Variants in RALGAPA2 observed in about 807,000 individuals in gnomAD.
RALGAPA2 encodes the protein ral GTPase-activating protein subunit alpha-2.
In RALGAPA2, 139 loss-of-function variants were observed where a neutral mutation model predicts 230.4. The ratio of observed to expected loss-of-function variants is 0.60; its 90% CI spans 0.53 to 0.69. The LOEUF (loss-of-function observed/expected upper bound fraction) is 0.69, where lower values mean the gene tolerates loss of function less well. Among genes scored for constraint, RALGAPA2 ranks in the 30% least tolerant of loss-of-function variants. The probability of loss-of-function intolerance (pLI) is 0.00; values close to 1 mark genes in which losing one functional copy is unlikely to be tolerated. For missense variants in RALGAPA2, 2,163 were observed against 2,276.0 expected (o/e 0.95, Z 1.01); for synonymous variants, 847 against 837.8 (o/e 1.01, Z -0.19).
intron 23 of RALGAPA2, among the ~76,000 whole-genome samples, chr20:20,563,942 G>T (rs956340243): frequency 6.6e-6 from 1 of 152,002 alleles, no homozygotes; most frequent in Non-Finnish European, 1.5e-5. Flanking sequence ...CTGTGCCTCA[G>T]TCCTTGTTAG....
rs180961483 is a variant in RALGAPA2 at position 20,473,230 on chromosome 20, G to A, written c.5368-274C>T. 1.7e-3 allele frequency among the ~76,000 whole-genome samples: 263 copies of A among 152,286 alleles called. 1 individual carries two copies. The highest frequency in any genetic ancestry group is 2.7e-3 in the Non-Finnish European group (184 of 68,014). ...TTTTTCTCTTCTGTTGTCATTTACA[G>A]AAATGGTGTTGCTCTTAAGTGCCTA... is the stretch of plus-strand genomic sequence containing the variant. On this transcript the variant is annotated intron_variant, in intron 36 of 39. Transcript: ENST00000202677.
chr20:20,499,734 G>A (rs2062317399), intron 35 of RALGAPA2, among the ~76,000 whole-genome samples: 1 of 152,190 alleles, frequency 6.6e-6, no homozygotes, highest in Non-Finnish European at 1.5e-5. Flanking sequence ...AGGCTGCTGA[G>A]TTTTTGAACG....
intron 33 of RALGAPA2, 147 bp from the exon 34 acceptor site, chr20:20,505,681 G>C: frequency 4.7e-6 from 3 of 642,348 alleles, no homozygotes; most frequent in Non-Finnish European, 7.6e-6. Flanking sequence ...GAGATGGTCT[G>C]ACACATAGTC....
chr20:20,496,466 C>T (rs1055359330), intron 35 of RALGAPA2, among the ~76,000 whole-genome samples: 6 of 152,156 alleles, frequency 3.9e-5, no homozygotes, highest in African/African-American at 1.4e-4. Context: ...GCTGGTAAGG[C>T]CCTCTGACAT....
intron 14 of RALGAPA2, among the ~76,000 whole-genome samples, chr20:20,610,446 G>A (rs1248195867): frequency 6.6e-6 from 1 of 152,140 alleles, no homozygotes; most frequent in Non-Finnish European, 1.5e-5. Flanking sequence ...GATGCAAGAA[G>A]CACAGGCATC....
At position 20,591,318 on chromosome 20, in the gene RALGAPA2, T is replaced by C. The variant is rs2065284415; in HGVS notation, c.2204-4A>G. ...GACTGTTGACACTCCTCCACTTCTG[T>C]GAGCATTAACAAAACATGCAAAGTT... On this transcript the variant is annotated splice_region_variant and splice_polypyrimidine_tract_variant and intron_variant, in intron 16 of 39. Transcript: ENST00000202677. The C allele has an allele frequency of 1.2e-6, 2 of 1,611,628 alleles. No individual in the cohort carries two copies. The highest frequency in any genetic ancestry group is 2.2e-5 in the East Asian group (1 of 44,786).
intron 31 of RALGAPA2, 58 bp from the exon 32 acceptor site, chr20:20,513,342 A>G: frequency 8.1e-7 from 1 of 1,229,438 alleles, no homozygotes; most frequent in Non-Finnish European, 1.0e-6. Context: ...TTAAAACTCA[A>G]CACCTTTTTT....
At chr20:20,458,324 A>G (rs1257282420) in intron 37 of RALGAPA2, among the ~76,000 whole-genome samples, 3 of 150,892 alleles carry the variant, frequency 2.0e-5, no homozygotes, top group Non-Finnish European at 1.5e-5. Context: ...ACAGAATTTT[A>G]TTTGTTTCTA....
chr20:20,677,245 A>C (rs540576353), intron 2 of RALGAPA2, among the ~76,000 whole-genome samples: 1 of 152,328 alleles, frequency 6.6e-6, no homozygotes, highest in South Asian at 2.1e-4. Context: ...GCCAAAAAAG[A>C]TGGTATGCAA....
chr20:20,463,127 G>A (rs1362521169), intron 37 of RALGAPA2, among the ~76,000 whole-genome samples: 2 of 149,898 alleles, frequency 1.3e-5, no homozygotes, highest in African/African-American at 2.4e-5. Flanking sequence ...TTAAAACCCT[G>A]ACTTTTTTTT....
chr20:20,599,519 A>C (rs993792800), intron 16 of RALGAPA2, among the ~76,000 whole-genome samples: 2 of 152,240 alleles, frequency 1.3e-5, no homozygotes, highest in African/African-American at 4.8e-5. Flanking sequence ...CACAATCTGT[A>C]AAATCAGTTT....
intron 24 of RALGAPA2, among the ~76,000 whole-genome samples, chr20:20,541,791 A>G (rs1198431299): frequency 6.6e-6 from 1 of 152,242 alleles, no homozygotes; most frequent in Non-Finnish European, 1.5e-5. Flanking sequence ...GGCTACTTTA[A>G]TAGCCCACCT....
At chr20:20,543,110 T>C (rs998097736) in intron 24 of RALGAPA2, among the ~76,000 whole-genome samples, 1 of 152,094 alleles carries the variant, frequency 6.6e-6, no homozygotes, top group African/African-American at 2.4e-5. Context: ...AGTGGTGCGA[T>C]CTTGACTTGC....
In RALGAPA2 at chr20:20,583,135, T is replaced by G. The variant is rs376400587; in HGVS notation, c.2622A>C (p.Glu874Asp). ...CCACAACATCTGTGGGAGTATTCAG[T>G]TCTGGGTCTTCCTCACAGGTCTGCC... ...GPWQTCEEDP[E>D]LNTPTDVVAD... Residue 874 changes from glutamate (E) to aspartate (D), a missense_variant, in exon 20 of 40, where the codon GAA becomes GAC. Transcript: ENST00000202677. 10 of 1,613,632 alleles carry G rather than the reference T, an allele frequency of 6.2e-6. No homozygotes were observed. In the African/African-American group the frequency reaches 1.1e-4, roughly 17 times the overall value.
intron 16 of RALGAPA2, among the ~76,000 whole-genome samples, chr20:20,599,701 T>A (rs949669488): frequency 6.6e-6 from 1 of 152,152 alleles, no homozygotes; most frequent in African/African-American, 2.4e-5. Flanking sequence ...GAATTCCCAA[T>A]AGGCTGGGAG....
At chr20:20,563,396 C>A (rs1441119832) in intron 23 of RALGAPA2, among the ~76,000 whole-genome samples, 2 of 152,142 alleles carry the variant, frequency 1.3e-5, no homozygotes, top group South Asian at 2.1e-4. Context: ...CTTTAGATGT[C>A]CCATTTTAAT....
chr20:20,546,844 G>A lies in RALGAPA2; in HGVS notation c.3157-12C>T, dbSNP rs1426111561. On this transcript the variant is annotated splice_polypyrimidine_tract_variant and intron_variant, in intron 23 of 39. Transcript: ENST00000202677. Reference sequence around the variant, plus strand: ...GTATTTAAGATATCCTAAAAGGGAAGATAAGAAAAAACACAATCGTAATGT... The same window carrying A: ...GTATTTAAGATATCCTAAAAGGGAAAATAAGAAAAAACACAATCGTAATGT... 6.4e-7 allele frequency: 1 copy of A among 1,563,656 alleles called. No individual in the cohort carries two copies. Among genetic ancestry groups the A allele is most frequent in the African/African-American group, 1.4e-5 (1 of 72,358 alleles).
At chr20:20,543,436 T>C (rs1442938988) in intron 24 of RALGAPA2, among the ~76,000 whole-genome samples, 1 of 152,144 alleles carries the variant, frequency 6.6e-6, no homozygotes, top group East Asian at 1.9e-4. Context: ...CACACGTGTG[T>C]TTATAGCGGC....
intron 1 of RALGAPA2, among the ~76,000 whole-genome samples, chr20:20,681,244 C>A (rs1251801715): frequency 2.0e-5 from 3 of 152,200 alleles, no homozygotes; most frequent in Non-Finnish European, 4.4e-5. Flanking sequence ...ATGGACCAAT[C>A]TCTGCTCCCT....
Sources: allele counts gnomAD v4.1 joint callset (sites outside exome capture counted in the v4.1 genomes callset), GRCh38; gene constraint gnomAD v4.1.1; transcripts MANE v1.5; gene names NCBI Gene and HGNC (gene_info 2026-07-23, HGNC 2026-07-21).